Variants in TNPO2 observed in about 807,000 individuals in gnomAD.
TNPO2 encodes transportin 2.
A neutral mutation model predicts 111.1 loss-of-function variants in TNPO2; 16 were observed. The observed-to-expected ratio is 0.14, with a 90% CI of 0.10 to 0.22. TNPO2 has a LOEUF of 0.22. Among genes scored for constraint, TNPO2 ranks in the 10% least tolerant of loss-of-function variants. The probability of loss-of-function intolerance (pLI) is 1.00; values close to 1 mark genes in which losing one functional copy is unlikely to be tolerated. For synonymous variants in TNPO2, 481 were observed against 475.8 expected (o/e 1.01, Z -0.14); for missense variants, 530 against 1,173.7 (o/e 0.45, Z 8.01).
intron 13 of TNPO2, 50 bp downstream of exon 13, chr19:12,710,571 A>G: frequency 6.3e-7 from 1 of 1,594,404 alleles, no homozygotes; most frequent in Non-Finnish European, 8.5e-7. Context: ...AATGTGGGCC[A>G]GCCCTACAGT....
Position 12,710,713 on chromosome 19 carries a change from G to A in TNPO2, c.1178C>T (p.Pro393Leu). The A allele has an allele frequency of 1.2e-6, 2 of 1,613,578 alleles. No homozygotes were observed. Among genetic ancestry groups the A allele is most frequent in the Non-Finnish European group, 1.7e-6 (2 of 1,179,724 alleles). The change falls in exon 13 of 26, where the codon CCC (proline) becomes CTC (leucine). Residue 393 changes from proline to leucine, a missense_variant. By Grantham distance (98) the Pro-to-Leu change is moderately conservative (BLOSUM62 -3). This residue lies in a region of TNPO2 where 88 missense variants were observed against 130.2 expected (regional missense o/e 0.68). Coordinates refer to ENST00000425528, the MANE Select transcript of TNPO2 (RefSeq NM_001382241.1). ...GCCTTTGAGTAGTGGGAGTAGGTGG[G>A]GCAGCAGTTCCTCCCGGAAGACATT... ...LANVFREELL[P>L]HLLPLLKGLL...
At chr19:12,722,755 T>G (rs1393450612) in intron 2 of TNPO2, among the ~76,000 whole-genome samples, 1 of 151,228 alleles carries the variant, frequency 6.6e-6, no homozygotes, top group Non-Finnish European at 1.5e-5. Context: ...GACCAAAGAG[T>G]TGCCGTTTCT....
rs780055881 is a variant in TNPO2, at chr19:12,719,954, CT to C, written c.100-619del. Among the ~76,000 whole-genome samples, 2,641 of 140,888 alleles carry C rather than the reference CT, an allele frequency of 0.019. 22 individuals carry two copies. Among genetic ancestry groups the C allele is most frequent in the African/African-American group, 0.042 (1,606 of 38,522 alleles). The allele number at this position is 140,888 out of a possible 152,430, so 92.4% of individuals were successfully genotyped here. A position where few individuals can be genotyped will look rare whatever the true frequency, so the allele number is the denominator to read the frequency against. On this transcript the variant is annotated intron_variant, in intron 3 of 25. Transcript: ENST00000425528. The surrounding 1 kb of genome is among the most constrained non-coding windows in gnomAD (Gnocchi z 5.0). ...GATCCCCACTAACAGGCCATGAAGA[CT>C]TTTTTTTTTTTTTTAAAAGAGGGAA...
chr19:12,723,366 C>T lies in TNPO2; in HGVS notation c.-130-1G>A, dbSNP rs1157112092. On this transcript the variant is annotated splice_acceptor_variant, in intron 1 of 25. Transcript: ENST00000425528. LOFTEE classifies it low-confidence loss of function (5UTR_SPLICE). ...ACAGTAGGGCACCGTTTTTCCTTCT[C>T]TTGAGAGAGGAGCAGATGGTAAAAA... The T allele has an allele frequency of 6.6e-6, 1 of 152,132 alleles. No homozygotes were observed. Among genetic ancestry groups the T allele is most frequent in the Non-Finnish European group, 1.5e-5 (1 of 68,010 alleles). The allele number at this position is 152,132 out of a possible 1,614,324, so 9.4% of individuals were successfully genotyped here.
At chr19:12,711,722 C>G in intron 10 of TNPO2, 109 bp from the exon 11 acceptor site, 1 of 859,324 alleles carries the variant, frequency 1.2e-6, no homozygotes. Context: ...ACCAGCCCCC[C>G]AATCAGCCAC....
intron 18 of TNPO2, among the ~76,000 whole-genome samples, chr19:12,704,593 G>A (rs1353955844): frequency 4.6e-5 from 7 of 152,192 alleles, no homozygotes; most frequent in Admixed American, 1.3e-4. Flanking sequence ...TCAATCTGAG[G>A]TTACTTGAAT....
intron 13 of TNPO2, among the ~76,000 whole-genome samples, chr19:12,710,290 A>T (rs2025964388): frequency 6.6e-6 from 1 of 152,186 alleles, no homozygotes; most frequent in South Asian, 2.1e-4. Context: ...CACCCAGCTC[A>T]TCAGGTGGTG....
At chr19:12,708,613 T>C (rs2025845635) in intron 13 of TNPO2, among the ~76,000 whole-genome samples, 1 of 150,690 alleles carries the variant, frequency 6.6e-6, no homozygotes, top group Non-Finnish European at 1.5e-5. Flanking sequence ...ACGCCTGTAA[T>C]CCCAGCACTC....
intron 3 of TNPO2, 78 bp downstream of exon 3, chr19:12,720,801 C>T: frequency 6.2e-6 from 9 of 1,462,322 alleles, no homozygotes; most frequent in South Asian, 5.2e-5. Context: ...GGAGTCAGTC[C>T]CTCTCTTTCT....
rs780604155 is a variant in TNPO2, at chr19:12,719,569, G to T, written c.100-233C>A. ...CCAGCACTTTTTGGGAGGTCAAGGCGGGTGGATCACAAGGTCAGGAGTTCG... is the reference window on the plus strand; with the variant it reads ...CCAGCACTTTTTGGGAGGTCAAGGCTGGTGGATCACAAGGTCAGGAGTTCG... On this transcript the variant is annotated intron_variant, in intron 3 of 25. Coordinates refer to ENST00000425528, the MANE Select transcript of TNPO2 (RefSeq NM_001382241.1). The surrounding 1 kb of genome is among the most constrained non-coding windows in gnomAD (Gnocchi z 5.0). 6.6e-6 allele frequency among the ~76,000 whole-genome samples: 1 copy of T among 152,140 alleles called. No individual in the cohort carries two copies. Among genetic ancestry groups the T allele is most frequent in the Non-Finnish European group, 1.5e-5 (1 of 68,026 alleles).
In TNPO2 at chr19:12,701,189, T is replaced by C; in HGVS notation, c.*75A>G. ...CCCCCCTCAACCAGGGCACAGCGAC[T>C]TCCGGATGCAGCGCACTCCCCAGTA... On this transcript the variant is annotated 3_prime_UTR_variant, in exon 26 of 26. Coordinates refer to ENST00000425528, the MANE Select transcript of TNPO2 (RefSeq NM_001382241.1). The surrounding 1 kb of genome is among the most constrained non-coding windows in gnomAD (Gnocchi z 5.0). The C allele has an allele frequency of 1.6e-6, 1 of 610,912 alleles. No individual in the cohort carries two copies. Among genetic ancestry groups the C allele is most frequent in the South Asian group, 2.1e-5 (1 of 48,574 alleles). 37.8% of individuals were successfully genotyped at this position (610,912 alleles called of 1,614,324 possible).
intron 20 of TNPO2, 177 bp from the exon 21 acceptor site, chr19:12,703,095 G>T: frequency 1.6e-6 from 1 of 617,798 alleles, no homozygotes; most frequent in East Asian, 2.7e-5. Flanking sequence ...TGGCCAACCA[G>T]GGACAGACCC....
chr19:12,715,413 G>A lies in TNPO2; in HGVS notation c.558C>T (p.Pro186=), dbSNP rs1298822090. 1 of 1,613,944 alleles carries A rather than the reference G, an allele frequency of 6.2e-7. No individual in the cohort carries two copies. ...KFLQFFKHCS[P]KIRSHAIACV... ...CAGGGAGCTGCACCCACCGGATCTT[G>A]GGACTGCAGTGCTTGAAGAACTGCA... is the stretch of plus-strand genomic sequence containing the variant. The change falls in exon 7 of 26, where the codon CCC becomes CCT. Residue 186 remains proline, a synonymous_variant. Coordinates refer to ENST00000425528, the MANE Select transcript of TNPO2 (RefSeq NM_001382241.1). This position sits in a 1 kb window ranked among gnomAD's most constrained non-coding sequence, Gnocchi z 7.1.
chr19:12,701,494 C>T lies in TNPO2; in HGVS notation c.2587-41G>A, dbSNP rs956107671. Reference sequence around the variant, plus strand: ...TGGTGAGGGGTAGGCAGGGGCAGAACAAGGGGAGTGCGCCTCTTCCCCCAT... The same window carrying T: ...TGGTGAGGGGTAGGCAGGGGCAGAATAAGGGGAGTGCGCCTCTTCCCCCAT... On this transcript the variant is annotated intron_variant, in intron 24 of 25. Transcript: ENST00000425528. The surrounding 1 kb of genome is among the most constrained non-coding windows in gnomAD (Gnocchi z 5.0). 6.2e-7 allele frequency: 1 copy of T among 1,601,792 alleles called. No homozygotes were observed. Among genetic ancestry groups the T allele is most frequent in the East Asian group, 2.2e-5 (1 of 44,770 alleles).
chr19:12,715,561 A>C lies in TNPO2; in HGVS notation c.433-23T>G. On this transcript the variant is annotated intron_variant, in intron 6 of 25. Transcript: ENST00000425528. The surrounding 1 kb of genome is among the most constrained non-coding windows in gnomAD (Gnocchi z 7.1). ...TCCCTGAGTGCAGAGGGGCAGAGAGACAAACGTGGGTGGTGGGTGGTGGTC... is the reference window on the plus strand; with the variant it reads ...TCCCTGAGTGCAGAGGGGCAGAGAGCCAAACGTGGGTGGTGGGTGGTGGTC... 1 of 1,613,716 alleles carries C rather than the reference A, an allele frequency of 6.2e-7. No homozygotes were observed. The highest frequency in any genetic ancestry group is 1.7e-5 in the Admixed American group (1 of 60,000).
chr19:12,708,737 G>C (rs115462857), intron 13 of TNPO2, among the ~76,000 whole-genome samples: 3 of 152,052 alleles, frequency 2.0e-5, no homozygotes, highest in South Asian at 2.1e-4. Flanking sequence ...CAGGTGCGGT[G>C]GTGGACACCT....
chr19:12,723,833 G>C lies in TNPO2; in HGVS notation c.-195C>G, dbSNP rs993933504. ...GAAAATCAAGTCCCGGGCCTCCAAG[G>C]TTAGGGAAGTGTCGGCAGGCGCCTA... On this transcript the variant is annotated 5_prime_UTR_variant, in exon 1 of 26. Coordinates refer to ENST00000425528, the MANE Select transcript of TNPO2 (RefSeq NM_001382241.1). 6.6e-6 allele frequency: 1 copy of C among 152,216 alleles called. No individual in the cohort carries two copies. Among genetic ancestry groups the C allele is most frequent in the African/African-American group, 2.4e-5 (1 of 41,438 alleles). The allele number at this position is 152,216 out of a possible 1,614,324, so 9.4% of individuals were successfully genotyped here. A position where few individuals can be genotyped will look rare whatever the true frequency, so the allele number is the denominator to read the frequency against.
chr19:12,715,788 T>C lies in TNPO2; in HGVS notation c.326-49A>G, dbSNP rs2145585235. 1 of 1,450,306 alleles carries C rather than the reference T, an allele frequency of 6.9e-7. No individual in the cohort carries two copies. The highest frequency in any genetic ancestry group is 9.5e-7 in the Non-Finnish European group (1 of 1,057,858). 89.8% of individuals were successfully genotyped at this position (1,450,306 alleles called of 1,614,324 possible). A position where few individuals can be genotyped will look rare whatever the true frequency, so the allele number is the denominator to read the frequency against. On this transcript the variant is annotated intron_variant, in intron 5 of 25. Coordinates refer to ENST00000425528, the MANE Select transcript of TNPO2 (RefSeq NM_001382241.1). The surrounding 1 kb of genome is among the most constrained non-coding windows in gnomAD (Gnocchi z 7.1). Reference sequence around the variant, plus strand: ...TGCCTGAGGCTGGGCAGGGGCTGCCTAGCACCTCCCCCTCCCACTGGACAC... The same window carrying C: ...TGCCTGAGGCTGGGCAGGGGCTGCCCAGCACCTCCCCCTCCCACTGGACAC...
intron 13 of TNPO2, among the ~76,000 whole-genome samples, chr19:12,708,397 GC>G (rs2025828097): frequency 6.6e-6 from 1 of 150,828 alleles, no homozygotes; most frequent in African/African-American, 2.4e-5. Context: ...CTCCCAGAGT[GC>G]TGGGATTACA....
Sources: gnomAD v4.1 joint callset for allele counts (sites outside exome capture counted in the v4.1 genomes callset) on GRCh38, gnomAD v4.1.1 for gene constraint, gnomAD v4.1.1 regional missense constraint, Gnocchi (gnomAD v3.1) non-coding constraint, MANE v1.5 for transcripts, NCBI Gene and HGNC (gene_info 2026-07-23, HGNC 2026-07-21) for gene names.